The following PREPL variants were observed in gnomAD, a reference collection of about 807,000 sequenced individuals.
The protein encoded by PREPL is prolyl endopeptidase-like.
Under a neutral mutation model 70.6 loss-of-function variants are expected in PREPL, and 77 were observed. The ratio of observed to expected loss-of-function variants is 1.09; its 90% CI spans 0.91 to 1.32. PREPL has a LOEUF of 1.32. PREPL is among the 40% of genes most tolerant of loss of function. PREPL has a pLI of 0.00. For synonymous variants in PREPL, 315 were observed against 264.8 expected (o/e 1.19, Z -1.84); for missense variants, 1,002 against 778.2 (o/e 1.29, Z -3.42).
At chr2:44,347,541 G>A (rs1162707940) in intron 1 of PREPL, among the ~76,000 whole-genome samples, 1 of 152,204 alleles carries the variant, frequency 6.6e-6, no homozygotes, top group Non-Finnish European at 1.5e-5. Flanking sequence ...CTTTATTTGA[G>A]TTCTGGTAAG....
rs767204341 is a variant in PREPL at position 44,343,855 on chromosome 2, T to C, written c.239A>G (p.Tyr80Cys). ...DCIRVAPDEK[Y>C]VAAKIRTEDS... Reference sequence around the variant, plus strand: ...TTCAGTTCTTATCTTGGCAGCCACATATTTTTCATCTGGAGCAACTCTGAT... The same window carrying C: ...TTCAGTTCTTATCTTGGCAGCCACACATTTTTCATCTGGAGCAACTCTGAT... The change falls in exon 4 of 14, where the codon TAT becomes TGT. Residue 80 changes from tyrosine (Y) to cysteine (C), a missense_variant. By Grantham distance (194) the Tyr-to-Cys change is radical. Transcript: ENST00000409411. The C allele has an allele frequency of 1.2e-6, 2 of 1,614,098 alleles. No homozygotes were observed. The highest frequency in any genetic ancestry group is 1.7e-5 in the Admixed American group (1 of 60,014).
chr2:44,340,491 T>G (rs1465813582), intron 5 of PREPL, among the ~76,000 whole-genome samples: 3 of 152,180 alleles, frequency 2.0e-5, no homozygotes, highest in Non-Finnish European at 4.4e-5. Flanking sequence ...AAATAACAAC[T>G]GCTTATAGTT....
At chr2:44,348,017 T>C (rs533578041) in intron 1 of PREPL, among the ~76,000 whole-genome samples, 9 of 152,320 alleles carry the variant, frequency 5.9e-5, no homozygotes, top group East Asian at 1.9e-4. Flanking sequence ...GTTGTTATGA[T>C]AGTCTCAATC....
Position 44,339,344 on chromosome 2 carries a change from G to A in PREPL, c.505C>T (p.Leu169Phe), listed in dbSNP as rs532684912. The A allele has an allele frequency of 1.4e-5, 23 of 1,613,756 alleles. No individual in the cohort carries two copies. The highest frequency in any genetic ancestry group is 1.8e-5 in the Non-Finnish European group (21 of 1,179,940). The change falls in exon 6 of 14, where the codon CTT becomes TTT. Residue 169 changes from leucine (L) to phenylalanine (F), a missense_variant. Leu to Phe is a conservative substitution (Grantham distance 22, BLOSUM62 0). Coordinates refer to ENST00000409411, the MANE Select transcript of PREPL (RefSeq NM_001171613.2). ...GTGAGGAAACGACTGTCTTTTGTAA[G>A]ATAAAGGAAAACAAAGTAGCTAGAG... ...KDPSYFVFLY[L>F]TKDSRFLTIN...
At chr2:44,334,008 A>C (rs1163291505) in intron 7 of PREPL, among the ~76,000 whole-genome samples, 1 of 152,188 alleles carries the variant, frequency 6.6e-6, no homozygotes, top group Non-Finnish European at 1.5e-5. Context: ...GGTTCCAATA[A>C]ATCAAAAAGT....
At chr2:44,345,628 G>A (rs905527203) in intron 2 of PREPL, among the ~76,000 whole-genome samples, 3 of 152,118 alleles carry the variant, frequency 2.0e-5, no homozygotes, top group Non-Finnish European at 4.4e-5. Context: ...GATTACAGGC[G>A]TGAGCCACTG....
chr2:44,357,912 G>C (rs1201740303), intron 1 of PREPL, among the ~76,000 whole-genome samples: 1 of 152,048 alleles, frequency 6.6e-6, no homozygotes, highest in Non-Finnish European at 1.5e-5. Flanking sequence ...AATGAGTAAA[G>C]AAAGTACTAA....
At position 44,338,536 on chromosome 2, in the gene PREPL, G is replaced by T. The variant is rs1452484396; in HGVS notation, c.703C>A (p.Leu235Ile). ...GGGGTATCAGCCGCTGTTCTCATTA[G>T]CTACGTGGAACAAAGTTAGAAGACA... ...TNVGEPTEFK[L>I]MRTAADTPAI... is the part of the protein sequence containing the mutation. The change falls in exon 7 of 14, where the codon CTA (leucine) becomes ATA (isoleucine). Residue 235 changes from leucine to isoleucine, a missense_variant and splice_region_variant. By Grantham distance (5) the Leu-to-Ile change is conservative. Transcript: ENST00000409411. 2 of 1,599,368 alleles carry T rather than the reference G, an allele frequency of 1.3e-6. No individual in the cohort carries two copies. The highest frequency in any genetic ancestry group is 1.7e-6 in the Non-Finnish European group (2 of 1,176,296).
intron 9 of PREPL, among the ~76,000 whole-genome samples, chr2:44,328,451 A>AAG (rs1289612051): frequency 6.7e-6 from 1 of 149,974 alleles, no homozygotes; most frequent in African/African-American, 2.4e-5. Context: ...AAAAAAAAAA[A>AAG]AAAAAAAAAA....
At chr2:44,359,788 G>C in intron 1 of PREPL, 1 of 1,063,520 alleles carries the variant, frequency 9.4e-7, no homozygotes, top group Non-Finnish European at 1.4e-6. Context: ...TATGATTACA[G>C]AGTAGTGGGT....
chr2:44,343,908 A>C lies in PREPL; in HGVS notation c.186T>G (p.Leu62=), dbSNP rs1675494958. 1.2e-6 allele frequency: 2 copies of C among 1,613,974 alleles called. No individual in the cohort carries two copies. Among genetic ancestry groups the C allele is most frequent in the African/African-American group, 2.7e-5 (2 of 74,942 alleles). ...NYEVLFNLEE[L]KLDQPFIDCI... Reference sequence around the variant, plus strand: ...AATCAATGAAGGGCTGGTCTAACTTAAGTTCCTCCAAATTGAATAAAACTT... The same window carrying C: ...AATCAATGAAGGGCTGGTCTAACTTCAGTTCCTCCAAATTGAATAAAACTT... Residue 62 remains leucine (L), a synonymous_variant, in exon 4 of 14, where the codon CTT becomes CTG. Transcript: ENST00000409411.
rs752148765 is a variant in PREPL at position 44,322,714 on chromosome 2, T to G, written c.1753+17A>C. 2.0e-5 allele frequency: 33 copies of G among 1,610,630 alleles called. No homozygotes were observed. In the Admixed American group the frequency reaches 5.6e-4, roughly 27 times the overall value. ...AGTCTGTTTGGCCATGTTCCCTGCT[T>G]CTAGGGGGTCTCCTACCTTCACCTG... On this transcript the variant is annotated intron_variant, in intron 12 of 13. Transcript: ENST00000409411.
chr2:44,321,946 T>C, intron 12 of PREPL, 46 bp from the exon 13 acceptor site: 2 of 1,567,180 alleles, frequency 1.3e-6, no homozygotes, highest in Non-Finnish European at 1.7e-6. Context: ...GTATGGGATC[T>C]TCTTTGGAAG....
chr2:44,341,303 GC>G (rs1675194841), intron 5 of PREPL, among the ~76,000 whole-genome samples: 1 of 151,940 alleles, frequency 6.6e-6, no homozygotes, highest in South Asian at 2.1e-4. Context: ...AGTTTGTGAT[GC>G]CTTTTATCAT....
At position 44,339,234 on chromosome 2, in the gene PREPL, C is replaced by T. The variant is rs1356436993; in HGVS notation, c.615G>A (p.Lys205=). The change falls in exon 6 of 14, where the codon AAG becomes AAA. Residue 205 remains lysine (K), a synonymous_variant. Coordinates refer to ENST00000409411, the MANE Select transcript of PREPL (RefSeq NM_001171613.2). ...CATAGTAAAGGACCCCATGTATTCG[C>T]TTCTGGATAAGTACTGGTGGGTCCC... The part of the protein sequence containing the change: ...SPWDPPVLIQ[K]RIHGVLYYVE... 8 of 1,613,960 alleles carry T rather than the reference C, an allele frequency of 5.0e-6. No individual in the cohort carries two copies. The highest frequency in any genetic ancestry group is 6.8e-6 in the Non-Finnish European group (8 of 1,179,972).
At chr2:44,343,617 A>G in intron 4 of PREPL, 128 bp downstream of exon 4, 1 of 741,970 alleles carries the variant, frequency 1.3e-6, no homozygotes, top group Non-Finnish European at 2.3e-6. Context: ...ACATAGGAAG[A>G]TGTATAGTCC....
At position 44,320,322 on chromosome 2, in the gene PREPL, G is replaced by C; in HGVS notation, c.*1034C>G. Reference sequence around the variant, plus strand: ...TTTGAGGAATGACAGCCACTATGTTGTGTACACAAGAGAGCTGGATGGCAT... The same window carrying C: ...TTTGAGGAATGACAGCCACTATGTTCTGTACACAAGAGAGCTGGATGGCAT... On this transcript the variant is annotated 3_prime_UTR_variant, in exon 14 of 14. Coordinates refer to ENST00000409411, the MANE Select transcript of PREPL (RefSeq NM_001171613.2). 1 of 1,614,136 alleles carries C rather than the reference G, an allele frequency of 6.2e-7. No homozygotes were observed. Among genetic ancestry groups the C allele is most frequent in the Non-Finnish European group, 8.5e-7 (1 of 1,179,976 alleles).
At chr2:44,358,065 G>C (rs2104244033) in intron 1 of PREPL, among the ~76,000 whole-genome samples, 1 of 152,272 alleles carries the variant, frequency 6.6e-6, no homozygotes, top group East Asian at 1.9e-4. Flanking sequence ...TATCAGCTAA[G>C]ATAGCGGCAA....
At chr2:44,358,458 C>T (rs150609154) in intron 1 of PREPL, among the ~76,000 whole-genome samples, 117 of 152,148 alleles carry the variant, frequency 7.7e-4, no homozygotes, top group African/African-American at 2.7e-3. Flanking sequence ...ATACCACCCC[C>T]AAATATCATT....
Sources: gnomAD v4.1 joint callset for allele counts (sites outside exome capture counted in the v4.1 genomes callset) on GRCh38, gnomAD v4.1.1 for gene constraint, MANE v1.5 for transcripts, NCBI Gene and HGNC (gene_info 2026-07-23, HGNC 2026-07-21) for gene names.